The following ATP6V0A4 variants were observed in gnomAD, a reference collection of about 807,000 sequenced individuals.
ATP6V0A4 encodes the protein ATPase H+ transporting V0 subunit a4.
In ATP6V0A4, 86 loss-of-function variants were observed where a neutral mutation model predicts 107.3. The ratio of observed to expected loss-of-function variants is 0.80; its 90% CI spans 0.67 to 0.96. ATP6V0A4 has a LOEUF of 0.96. Ranked by LOEUF, ATP6V0A4 falls within the 40% of genes least tolerant of loss-of-function variation. The probability of loss-of-function intolerance (pLI) is 0.00; values close to 1 mark genes in which losing one functional copy is unlikely to be tolerated. For missense variants in ATP6V0A4, 908 were observed against 1,045.6 expected (o/e 0.87, Z 1.81); for synonymous variants, 353 against 381.4 (o/e 0.93, Z 0.87).
chr7:138,709,745 G>C lies in ATP6V0A4; in HGVS notation c.2308C>G (p.Arg770Gly). 1.2e-6 allele frequency: 2 copies of C among 1,614,024 alleles called. No individual in the cohort carries two copies. Among genetic ancestry groups the C allele is most frequent in the African/African-American group, 2.7e-5 (2 of 75,012 alleles). Reference protein sequence around the residue: ...TMVMNSGLQTRGWGGIVGVFI... With the variant: ...TMVMNSGLQTGGWGGIVGVFI... ...ACCCCGACGATTCCTCCCCAGCCTC[G>C]CGTCTGAAGGCCGCTGTTCATCACC... The change falls in exon 21 of 22, where the codon CGA becomes GGA. Residue 770 changes from arginine to glycine, a missense_variant. Arg to Gly is a moderately radical substitution (Grantham distance 125, BLOSUM62 -2). Transcript: ENST00000310018.
At chr7:138,738,319 GC>G (rs1805450582) in intron 15 of ATP6V0A4, among the ~76,000 whole-genome samples, 1 of 152,088 alleles carries the variant, frequency 6.6e-6, no homozygotes, top group Non-Finnish European at 1.5e-5. Context: ...AAATACCGTA[GC>G]TCCACTCTGT....
chr7:138,728,962 T>C lies in ATP6V0A4; in HGVS notation c.1909-100A>G, dbSNP rs1367908960. 4.4e-6 allele frequency: 7 copies of C among 1,599,304 alleles called. No individual in the cohort carries two copies. The East Asian group carries it at 1.6e-4, about 36-fold the overall frequency. ...ACTATGGGCCACTTCACTAGCACTT[T>C]ATTTTGAGAGATCTAAAGCATTTCA... On this transcript the variant is annotated intron_variant, in intron 17 of 21. Coordinates refer to ENST00000310018, the MANE Select transcript of ATP6V0A4 (RefSeq NM_020632.3).
intron 15 of ATP6V0A4, 125 bp downstream of exon 15, chr7:138,739,415 G>T: frequency 8.1e-7 from 1 of 1,228,020 alleles, no homozygotes; most frequent in Non-Finnish European, 1.2e-6. Flanking sequence ...AACGTCAGCA[G>T]AAGTTATTTT....
chr7:138,776,372 A>G (rs1426696975), intron 2 of ATP6V0A4, among the ~76,000 whole-genome samples: 1 of 152,236 alleles, frequency 6.6e-6, no homozygotes, highest in Non-Finnish European at 1.5e-5. Flanking sequence ...GGCGGAGCTC[A>G]GCTGCACCCA....
Position 138,771,263 on chromosome 7 carries a change from G to A in ATP6V0A4, c.-16C>T, listed in dbSNP as rs898067076. The A allele has an allele frequency of 6.2e-7, 1 of 1,612,396 alleles. No homozygotes were observed. On this transcript the variant is annotated splice_region_variant and 5_prime_UTR_variant, in exon 3 of 22. Coordinates refer to ENST00000310018, the MANE Select transcript of ATP6V0A4 (RefSeq NM_020632.3). ...CAGACACCATCTTGGCCCAGCCTCG[G>A]TCTACAGGAGAAAAAGAAAAAGATA...
At chr7:138,760,092 G>T in intron 7 of ATP6V0A4, 1 of 242,806 alleles carries the variant, frequency 4.1e-6, no homozygotes, top group Non-Finnish European at 6.6e-6. Flanking sequence ...GTTTTCTTTG[G>T]TATCTTGAAA....
chr7:138,742,661 A>T (rs1435229970), intron 14 of ATP6V0A4, among the ~76,000 whole-genome samples: 1 of 151,100 alleles, frequency 6.6e-6, no homozygotes, highest in Non-Finnish European at 1.5e-5. Context: ...AGTAGCTGGA[A>T]GCACAGGCAT....
intron 1 of ATP6V0A4, among the ~76,000 whole-genome samples, chr7:138,789,442 TTTA>T (rs1347151839): frequency 6.6e-6 from 1 of 151,508 alleles, no homozygotes; most frequent in Non-Finnish European, 1.5e-5. Context: ...GAGATGGGGT[TTTA>T]CCATATTGGC....
At chr7:138,724,529 C>G (rs74724048) in intron 18 of ATP6V0A4, among the ~76,000 whole-genome samples, 2 of 152,284 alleles carry the variant, frequency 1.3e-5, no homozygotes, top group African/African-American at 4.8e-5. Flanking sequence ...TCTGTAGGAC[C>G]CAGAAGTGGG....
chr7:138,718,338 G>A (rs1394785957), intron 19 of ATP6V0A4, among the ~76,000 whole-genome samples: 2 of 114,238 alleles, frequency 1.8e-5, no homozygotes, highest in Non-Finnish European at 3.6e-5. Flanking sequence ...GGATGTCTGC[G>A]GAGGGAGACG....
intron 13 of ATP6V0A4, among the ~76,000 whole-genome samples, chr7:138,746,866 A>G (rs1363346534): frequency 6.6e-6 from 1 of 152,188 alleles, no homozygotes; most frequent in Non-Finnish European, 1.5e-5. Flanking sequence ...GCACTCTGCA[A>G]AGGTGGAGAA....
chr7:138,791,076 G>A (rs910714332), intron 1 of ATP6V0A4, among the ~76,000 whole-genome samples: 8 of 151,928 alleles, frequency 5.3e-5, no homozygotes, highest in Middle Eastern at 3.2e-3. Flanking sequence ...TATCAGACAC[G>A]GATTTTAAAG....
chr7:138,730,711 G>T (rs899076460), intron 17 of ATP6V0A4, among the ~76,000 whole-genome samples: 1 of 152,100 alleles, frequency 6.6e-6, no homozygotes, highest in Non-Finnish European at 1.5e-5. Context: ...TAAAACAGAA[G>T]AGTTATTTGG....
At chr7:138,709,924 G>C (rs1803655488) in intron 20 of ATP6V0A4, 129 bp from the exon 21 acceptor site, 3 of 1,127,792 alleles carry the variant, frequency 2.7e-6, no homozygotes, top group South Asian at 1.8e-5. Context: ...CTGTTGCCTA[G>C]GATGGTCTCC....
In ATP6V0A4 at chr7:138,752,751, C is replaced by T. The variant is rs1443847154; in HGVS notation, c.903G>A (p.Lys301=). The change falls in exon 11 of 22, where the codon AAG becomes AAA. Residue 301 remains lysine (K), a synonymous_variant. Coordinates refer to ENST00000310018, the MANE Select transcript of ATP6V0A4 (RefSeq NM_020632.3). ...TCAGGATGTGGTAGACAGCTTTCATCTTCTGCACCTTGATGAGCCAGGAGT... is the reference window on the plus strand; with the variant it reads ...TCAGGATGTGGTAGACAGCTTTCATTTTCTGCACCTTGATGAGCCAGGAGT... The part of the protein sequence containing the change: ...NWHSWLIKVQ[K]MKAVYHILNM... 38 of 1,614,094 alleles carry T rather than the reference C, an allele frequency of 2.4e-5. No homozygotes were observed. Among genetic ancestry groups the T allele is most frequent in the Non-Finnish European group, 3.2e-5 (38 of 1,180,040 alleles).
chr7:138,786,429 C>T (rs1269323357), intron 1 of ATP6V0A4, among the ~76,000 whole-genome samples, 169 bp from the exon 2 acceptor site: 2 of 151,414 alleles, frequency 1.3e-5, no homozygotes, highest in Non-Finnish European at 2.9e-5. Context: ...ACAAAATAAA[C>T]TTAGCTGGCC....
chr7:138,745,080 C>G (rs758581259), intron 14 of ATP6V0A4, 43 bp downstream of exon 14: 3 of 1,559,888 alleles, frequency 1.9e-6, no homozygotes, highest in South Asian at 1.1e-5. Flanking sequence ...ACTGAGGCCA[C>G]CTGGATGGCC....
chr7:138,797,689 G>A (rs570606690), intron 1 of ATP6V0A4, among the ~76,000 whole-genome samples: 1 of 152,148 alleles, frequency 6.6e-6, no homozygotes, highest in Non-Finnish European at 1.5e-5. Flanking sequence ...TCAGCATAGT[G>A]GGTGCTCAGT....
chr7:138,750,572 G>A (rs923558292), intron 11 of ATP6V0A4, among the ~76,000 whole-genome samples: 3 of 152,128 alleles, frequency 2.0e-5, no homozygotes, highest in African/African-American at 7.2e-5. Context: ...CCGCACACCC[G>A]ACAGCACGTG....
Sources: allele counts gnomAD v4.1 joint callset (sites outside exome capture counted in the v4.1 genomes callset), GRCh38; gene constraint gnomAD v4.1.1; transcripts MANE v1.5; gene names NCBI Gene and HGNC (gene_info 2026-07-23, HGNC 2026-07-21).